Variants in CNTN3 observed in about 807,000 individuals in gnomAD.
CNTN3 encodes the protein contactin-3.
A neutral mutation model predicts 119.1 loss-of-function variants in CNTN3; 60 were observed. The ratio of observed to expected loss-of-function variants is 0.50; its 90% confidence interval spans 0.41 to 0.62. The LOEUF is 0.62. Among genes scored for constraint, CNTN3 ranks in the 20% least tolerant of loss-of-function variants. The pLI, the probability that CNTN3 is intolerant of heterozygous loss-of-function variation, is 0.00. For missense variants in CNTN3, 1,101 were observed against 1,242.4 expected (o/e 0.89, Z 1.71); for synonymous variants, 450 against 438.7 (o/e 1.03, Z -0.32).
chr3:74,403,119 A>G (rs570219270), intron 5 of CNTN3, among the ~76,000 whole-genome samples: 1 of 152,266 alleles, frequency 6.6e-6, no homozygotes, highest in Non-Finnish European at 1.5e-5. Context: ...GCAAGGGAGT[A>G]ATGTGATTGA....
rs1013849284 is a variant in CNTN3 at position 74,543,065 on chromosome 3, C to T, written c.-80-21873G>A. The stretch of plus-strand genomic sequence containing the variant: ...ATCCCTTGAACTCATGAGTTCAAAG[C>T]TGCAGTGTGCTATGAGTGTACACCA... On this transcript the variant is annotated intron_variant, in intron 1 of 22. Coordinates refer to ENST00000263665, the MANE Select transcript of CNTN3 (RefSeq NM_020872.3). Among the ~76,000 whole-genome samples the T allele has an allele frequency of 4.6e-4, 70 of 152,094 alleles. 1 individual carries two copies. Among genetic ancestry groups the T allele is most frequent in the African/African-American group, 1.7e-3 (69 of 41,492 alleles).
At chr3:74,473,065 T>TA (rs1287568663) in intron 4 of CNTN3, among the ~76,000 whole-genome samples, 1 of 151,044 alleles carries the variant, frequency 6.6e-6, no homozygotes, top group African/African-American at 2.4e-5. Flanking sequence ...CTATAATAAT[T>TA]AAAAAATTAA....
At chr3:74,280,353 A>G (rs1370469310) in intron 20 of CNTN3, among the ~76,000 whole-genome samples, 1 of 152,214 alleles carries the variant, frequency 6.6e-6, no homozygotes, top group Admixed American at 6.5e-5. Context: ...TATAATAATT[A>G]GCAAAGGCAT....
chr3:74,471,118 G>A (rs1702553944), intron 4 of CNTN3, among the ~76,000 whole-genome samples: 1 of 152,024 alleles, frequency 6.6e-6, no homozygotes, highest in Admixed American at 6.6e-5. Flanking sequence ...ATTGTGATCC[G>A]CCAGCCTCAG....
intron 3 of CNTN3, among the ~76,000 whole-genome samples, chr3:74,497,446 C>T (rs979222485): frequency 6.6e-6 from 1 of 151,908 alleles, no homozygotes; most frequent in African/African-American, 2.4e-5. Flanking sequence ...ACTCAGATAA[C>T]ATGAATAACA....
Position 74,432,474 on chromosome 3 carries a change from G to A in CNTN3, c.359-7534C>T, listed in dbSNP as rs1701801007. On this transcript the variant is annotated intron_variant, in intron 4 of 22. Transcript: ENST00000263665. The stretch of plus-strand genomic sequence containing the variant: ...TTGGGCTGCATTCGAAGCCACCATA[G>A]GCCACAGGTTGGACAAGCTTGCTAT... Among the ~76,000 whole-genome samples, 3 of 151,532 alleles carry A rather than the reference G, an allele frequency of 2.0e-5. No homozygotes were observed. The South Asian group carries it at 6.2e-4, about 32-fold the overall frequency.
intron 11 of CNTN3, among the ~76,000 whole-genome samples, chr3:74,346,257 A>G (rs1703685014): frequency 6.6e-6 from 1 of 152,154 alleles, no homozygotes; most frequent in Non-Finnish European, 1.5e-5. Flanking sequence ...TGCTAAGAAA[A>G]AATAAGTGTT....
At chr3:74,349,548 T>C (rs1192760593) in intron 11 of CNTN3, among the ~76,000 whole-genome samples, 1 of 152,216 alleles carries the variant, frequency 6.6e-6, no homozygotes, top group Non-Finnish European at 1.5e-5. Context: ...TTCAAACTTA[T>C]TCAAAAGGTA....
intron 3 of CNTN3, among the ~76,000 whole-genome samples, chr3:74,498,866 C>A (rs1219503827): frequency 6.6e-6 from 1 of 151,752 alleles, no homozygotes; most frequent in Non-Finnish European, 1.5e-5. Context: ...TACTTTCTTT[C>A]AACCACTTAT....
chr3:74,408,145 G>A (rs564953738), intron 5 of CNTN3, among the ~76,000 whole-genome samples: 6 of 152,328 alleles, frequency 3.9e-5, no homozygotes, highest in Non-Finnish European at 7.3e-5. Context: ...TCCACTGTGG[G>A]ACGGTGCAAA....
At chr3:74,293,474 G>A (rs942887746) in intron 19 of CNTN3, among the ~76,000 whole-genome samples, 5 of 152,082 alleles carry the variant, frequency 3.3e-5, no homozygotes, top group Non-Finnish European at 7.4e-5. Context: ...ACTTTATTCT[G>A]GCTGCCCCCA....
intron 5 of CNTN3, among the ~76,000 whole-genome samples, chr3:74,393,835 T>G (rs917382037): frequency 6.6e-6 from 1 of 152,194 alleles, no homozygotes; most frequent in Admixed American, 6.5e-5. Context: ...TACCCATCAA[T>G]GAACACAGAA....
At chr3:74,390,096 A>G (rs372512343) in intron 5 of CNTN3, among the ~76,000 whole-genome samples, 3 of 152,194 alleles carry the variant, frequency 2.0e-5, no homozygotes, top group African/African-American at 7.2e-5. Flanking sequence ...GAGGAATTAT[A>G]TGCAATGACC....
At chr3:74,417,660 T>G (rs1164107700) in intron 5 of CNTN3, among the ~76,000 whole-genome samples, 1 of 152,220 alleles carries the variant, frequency 6.6e-6, no homozygotes, top group Non-Finnish European at 1.5e-5. Flanking sequence ...TTCAGGATTT[T>G]CATCTCCATT....
At chr3:74,338,077 T>C (rs1356512972) in intron 11 of CNTN3, among the ~76,000 whole-genome samples, 1 of 152,134 alleles carries the variant, frequency 6.6e-6, no homozygotes, top group Non-Finnish European at 1.5e-5. Context: ...TGAGTGTCTT[T>C]ATCTTTTATG....
At chr3:74,535,530 C>T (rs566736822) in intron 1 of CNTN3, among the ~76,000 whole-genome samples, 3 of 152,146 alleles carry the variant, frequency 2.0e-5, no homozygotes, top group African/African-American at 7.2e-5. Context: ...TCTGCAGATA[C>T]CCCTGAGTCT....
intron 1 of CNTN3, among the ~76,000 whole-genome samples, chr3:74,560,250 T>A (rs1704133238): frequency 6.6e-6 from 1 of 152,132 alleles, no homozygotes; most frequent in African/African-American, 2.4e-5. Context: ...TCAGATAAGT[T>A]AATACCTACA....
intron 20 of CNTN3, among the ~76,000 whole-genome samples, chr3:74,273,112 T>A (rs1260987323): frequency 6.6e-6 from 1 of 152,230 alleles, no homozygotes; most frequent in Non-Finnish European, 1.5e-5. Context: ...AAACCCAGAC[T>A]GGACAATTAT....
intron 13 of CNTN3, among the ~76,000 whole-genome samples, chr3:74,330,057 A>G (rs1703223677): frequency 6.6e-6 from 1 of 152,114 alleles, no homozygotes; most frequent in Non-Finnish European, 1.5e-5. Flanking sequence ...GTGGTCCCAT[A>G]AGATTATAAT....
Sources: gnomAD v4.1 joint callset for allele counts (sites outside exome capture counted in the v4.1 genomes callset) on GRCh38, gnomAD v4.1.1 for gene constraint, MANE v1.5 for transcripts, NCBI Gene and HGNC (gene_info 2026-07-23, HGNC 2026-07-21) for gene names.